Variants in BRAF observed in about 807,000 individuals in gnomAD.
BRAF encodes the protein B-Raf proto-oncogene, serine/threonine kinase.
In BRAF, 16 loss-of-function variants were observed where a neutral mutation model predicts 104.6. The ratio of observed to expected loss-of-function variants is 0.15; its 90% CI spans 0.10 to 0.23. The LOEUF (loss-of-function observed/expected upper bound fraction) is 0.23, where lower values mean the gene tolerates loss of function less well. BRAF is among the 10% of genes least tolerant of loss of function. The pLI, the probability that BRAF is intolerant of heterozygous loss-of-function variation, is 1.00. For missense variants in BRAF, 541 were observed against 937.3 expected (o/e 0.58, Z 5.52); for synonymous variants, 310 against 341.6 (o/e 0.91, Z 1.02).
intron 1 of BRAF, among the ~76,000 whole-genome samples, chr7:140,884,429 ATGTGTGTGTGTGTGTGTGTGTG>A (rs71170770): frequency 5.5e-5 from 7 of 127,462 alleles, no homozygotes; most frequent in East Asian, 2.2e-4. Flanking sequence ...TATATAAGAT[ATGTGTGTGTGTGTGTGTGTGTG>A]TGTGTGTGTG....
intron 14 of BRAF, among the ~76,000 whole-genome samples, chr7:140,765,459 T>C (rs1799212930): frequency 6.6e-6 from 1 of 152,102 alleles, no homozygotes; most frequent in African/African-American, 2.4e-5. Context: ...GGGATCTAAC[T>C]AAACTAAAGA....
At chr7:140,821,394 G>C (rs542931448) in intron 3 of BRAF, among the ~76,000 whole-genome samples, 2 of 151,198 alleles carry the variant, frequency 1.3e-5, no homozygotes, top group East Asian at 3.9e-4. Flanking sequence ...GTGCCTCCCA[G>C]GGTCAAGCAA....
chr7:140,924,192 C>T lies in BRAF; in HGVS notation c.138+374G>A, dbSNP rs1042198304. Among the ~76,000 whole-genome samples the T allele has an allele frequency of 1.3e-5, 2 of 152,162 alleles. No individual in the cohort carries two copies. The highest frequency in any genetic ancestry group is 4.8e-5 in the African/African-American group (2 of 41,456). On this transcript the variant is annotated intron_variant, in intron 1 of 19. Coordinates refer to ENST00000644969, the MANE Select transcript of BRAF (RefSeq NM_001374258.1). This position sits in a 1 kb window ranked among gnomAD's most constrained non-coding sequence, Gnocchi z 4.2. ...CTCAGCCCCAGCAACTAACCTATAT[C>T]CTCCACGTCGAGGCCGCCGCCGCCC...
At chr7:140,794,521 A>G (rs1282744652) in intron 7 of BRAF, 54 bp from the exon 8 acceptor site, 23 of 1,563,388 alleles carry the variant, frequency 1.5e-5, no homozygotes, top group Non-Finnish European at 1.8e-5. Flanking sequence ...TATAAAGGTA[A>G]TAATATTTAA....
rs532071844 is a variant in BRAF, at chr7:140,854,802, G to A, written c.139-4590C>T. ...TCTACTAAAAATACAAAAATTAGCC[G>A]GGCGTGGTGGCGTGTGCCTGTAATC... is the stretch of plus-strand genomic sequence containing the variant. On this transcript the variant is annotated intron_variant, in intron 1 of 19. Coordinates refer to ENST00000644969, the MANE Select transcript of BRAF (RefSeq NM_001374258.1). Among the ~76,000 whole-genome samples, 23 of 152,078 alleles carry A rather than the reference G, an allele frequency of 1.5e-4. No individual in the cohort carries two copies. In the East Asian group the frequency reaches 3.7e-3, roughly 24 times the overall value.
chr7:140,781,668 C>T lies in BRAF; in HGVS notation c.1460G>A (p.Ser487Asn). Reference protein sequence around the residue: ...RMKTLGRRDSSDDWEIPDGQI... With the variant: ...RMKTLGRRDSNDDWEIPDGQI... ...CCCATCAGGAATCTCCCAATCATCA[C>T]TCGAGTCCCGTCTACCAAGTGTTTT... The change falls in exon 12 of 20, where the codon AGT becomes AAT. Residue 487 changes from serine (S) to asparagine (N), a missense_variant. By Grantham distance (46) the Ser-to-Asn change is conservative (BLOSUM62 1). Around this residue, in one of 10 missense-constraint regions of BRAF, gnomAD observed 109 missense variants for 143.9 expected, o/e 0.76. Transcript: ENST00000644969. 1.9e-6 allele frequency: 3 copies of T among 1,614,040 alleles called. No homozygotes were observed. In the South Asian group the frequency reaches 3.3e-5, roughly 18 times the overall value.
At chr7:140,744,066 C>A (rs1054269882) in intron 17 of BRAF, among the ~76,000 whole-genome samples, 1 of 152,186 alleles carries the variant, frequency 6.6e-6, no homozygotes, top group African/African-American at 2.4e-5. Flanking sequence ...GGGAGGTAAT[C>A]ACTAAGTCCT....
chr7:140,764,865 C>T (rs1248921911), intron 14 of BRAF, among the ~76,000 whole-genome samples: 1 of 152,170 alleles, frequency 6.6e-6, no homozygotes, highest in African/African-American at 2.4e-5. Context: ...TGAAAATGGC[C>T]ATATTGCCCA....
At chr7:140,803,606 T>C (rs920016135) in intron 5 of BRAF, among the ~76,000 whole-genome samples, 1 of 152,130 alleles carries the variant, frequency 6.6e-6, no homozygotes, top group African/African-American at 2.4e-5. Flanking sequence ...TCTTAGAGGA[T>C]TAGAATGTTT....
Position 140,721,345 on chromosome 7 carries a change from G to A in BRAF, c.*5149C>T, listed in dbSNP as rs1795316453. 1.7e-6 allele frequency: 2 copies of A among 1,208,154 alleles called. No individual in the cohort carries two copies. The allele number at this position is 1,208,154 out of a possible 1,614,324, so 74.8% of individuals were successfully genotyped here. On this transcript the variant is annotated 3_prime_UTR_variant, in exon 20 of 20. Transcript: ENST00000644969. ...CCTTAATTTAAGATTTTAGGAGTTG[G>A]GTTTCTGTCCTTTTCCACATTAAAA...
At chr7:140,739,987 A>G (rs748680512) in intron 17 of BRAF, 41 bp from the exon 17 acceptor site, 16 of 1,590,860 alleles carry the variant, frequency 1.0e-5, no homozygotes, top group Middle Eastern at 1.7e-4. Context: ...AACCTTGTAG[A>G]TAAGTTGAAA....
At chr7:140,736,405 A>G (rs1005930259) in intron 18 of BRAF, among the ~76,000 whole-genome samples, 45 of 148,764 alleles carry the variant, frequency 3.0e-4, no homozygotes, top group Non-Finnish European at 4.7e-4. Context: ...AAATACATAC[A>G]TGAAAACAAG....
intron 2 of BRAF, among the ~76,000 whole-genome samples, chr7:140,841,391 C>T (rs1807947929): frequency 6.6e-6 from 1 of 152,016 alleles, no homozygotes; most frequent in African/African-American, 2.4e-5. Context: ...TATTCCTAGG[C>T]ATACAGCCAG....
chr7:140,813,722 C>A (rs556757473), intron 3 of BRAF, among the ~76,000 whole-genome samples: 1 of 152,130 alleles, frequency 6.6e-6, no homozygotes, highest in African/African-American at 2.4e-5. Flanking sequence ...TCCAGAATGG[C>A]CTACATAAAC....
intron 1 of BRAF, among the ~76,000 whole-genome samples, chr7:140,875,300 G>C (rs942968388): frequency 6.6e-6 from 1 of 152,168 alleles, no homozygotes; most frequent in South Asian, 2.1e-4. Flanking sequence ...CAAAAAGGTC[G>C]GTGAATCCAA....
At chr7:140,845,748 G>A (rs996431756) in intron 2 of BRAF, among the ~76,000 whole-genome samples, 3 of 151,956 alleles carry the variant, frequency 2.0e-5, no homozygotes, top group African/African-American at 4.8e-5. Flanking sequence ...GCATGATCTC[G>A]GCTCACTGCA....
chr7:140,879,069 GGTTT>G (rs1023177478), intron 1 of BRAF, among the ~76,000 whole-genome samples: 1 of 151,430 alleles, frequency 6.6e-6, no homozygotes, highest in African/African-American at 2.4e-5. Context: ...GTAGAGACGT[GGTTT>G]CACCATGTTG....
intron 1 of BRAF, among the ~76,000 whole-genome samples, chr7:140,882,235 T>C (rs746144050): frequency 1.3e-5 from 2 of 152,210 alleles, no homozygotes; most frequent in Non-Finnish European, 2.9e-5. Flanking sequence ...AAAACCACAA[T>C]TACTTTTGCA....
At chr7:140,896,200 C>T (rs901520975) in intron 1 of BRAF, among the ~76,000 whole-genome samples, 1 of 152,052 alleles carries the variant, frequency 6.6e-6, no homozygotes, top group Non-Finnish European at 1.5e-5. Flanking sequence ...TGTGGTTTCA[C>T]CTTGTAGTTT....
Sources: allele counts gnomAD v4.1 joint callset (sites outside exome capture counted in the v4.1 genomes callset), GRCh38; gene constraint gnomAD v4.1.1; regional missense constraint gnomAD v4.1.1; non-coding constraint Gnocchi (gnomAD v3.1); transcripts MANE v1.5; gene names NCBI Gene and HGNC (gene_info 2026-07-23, HGNC 2026-07-21).